Variants in SMURF2 observed in about 807,000 individuals in gnomAD.
SMURF2 encodes the protein E3 ubiquitin-protein ligase SMURF2.
In SMURF2, 48 loss-of-function variants were observed where a neutral mutation model predicts 109.6. The ratio of observed to expected loss-of-function variants is 0.44; its 90% CI spans 0.35 to 0.56. The LOEUF (loss-of-function observed/expected upper bound fraction) is 0.56, where lower values mean the gene tolerates loss of function less well. Ranked by LOEUF, SMURF2 falls within the 20% of genes least tolerant of loss-of-function variation. SMURF2 has a pLI of 0.01. For synonymous variants in SMURF2, 288 were observed against 317.1 expected, an observed-to-expected ratio of 0.91 and a Z score of 0.97; for missense variants, 575 against 909.0, an observed-to-expected ratio of 0.63 and a Z score of 4.72.
intron 12 of SMURF2, among the ~76,000 whole-genome samples, chr17:64,559,962 C>G (rs1969188521): frequency 6.6e-6 from 1 of 151,510 alleles, no homozygotes; most frequent in Admixed American, 6.6e-5. Context: ...TCATGTTGGC[C>G]AGGATGGTCT....
chr17:64,622,000 T>C (rs750034693), intron 1 of SMURF2, among the ~76,000 whole-genome samples: 1 of 141,624 alleles, frequency 7.1e-6, no homozygotes, highest in Non-Finnish European at 1.5e-5. Context: ...AAAAGCACTG[T>C]AGTGAGCCAT....
intron 9 of SMURF2, among the ~76,000 whole-genome samples, chr17:64,575,080 G>C (rs1555685923): frequency 6.7e-6 from 1 of 148,512 alleles, no homozygotes; most frequent in African/African-American, 2.5e-5. Context: ...TGAAAAGTTA[G>C]GCCCTTGGAT....
intron 1 of SMURF2, among the ~76,000 whole-genome samples, chr17:64,659,537 T>TA (rs1183423380): frequency 3.0e-5 from 3 of 99,250 alleles, no homozygotes; most frequent in African/African-American, 7.1e-5. Flanking sequence ...TTTTTTTTTT[T>TA]AAACAAAATG....
chr17:64,583,968 C>A (rs1467308751), intron 6 of SMURF2, among the ~76,000 whole-genome samples: 2 of 151,974 alleles, frequency 1.3e-5, no homozygotes, highest in Admixed American at 6.6e-5. Flanking sequence ...CGGCCAAAAG[C>A]TTTTCAAAGC....
chr17:64,652,075 T>C (rs1303470096), intron 1 of SMURF2, among the ~76,000 whole-genome samples: 1 of 152,120 alleles, frequency 6.6e-6, no homozygotes. Context: ...AAACAGACAC[T>C]TACGTTAAGT....
chr17:64,654,170 C>T (rs370699759), intron 1 of SMURF2, among the ~76,000 whole-genome samples: 9 of 152,126 alleles, frequency 5.9e-5, no homozygotes, highest in African/African-American at 2.4e-5. Flanking sequence ...CAATCATCCA[C>T]GTGGTAATTC....
chr17:64,558,674 T>C (rs992497685), intron 12 of SMURF2, among the ~76,000 whole-genome samples: 1 of 152,210 alleles, frequency 6.6e-6, no homozygotes, highest in Non-Finnish European at 1.5e-5. Context: ...GTATGTTCCA[T>C]ACCACTTCTT....
intron 1 of SMURF2, among the ~76,000 whole-genome samples, chr17:64,626,988 G>A (rs1211002883): frequency 1.3e-5 from 2 of 150,730 alleles, no homozygotes; most frequent in African/African-American, 4.9e-5. Flanking sequence ...AAATATGATA[G>A]GCTCCAGTCT....
Position 64,637,923 on chromosome 17 carries a change from C to CAAAAAAAAAAAAAA in SMURF2, c.52+23892_52+23905dup, listed in dbSNP as rs59701513. On this transcript the variant is annotated intron_variant, in intron 1 of 18. Coordinates refer to ENST00000262435, the MANE Select transcript of SMURF2 (RefSeq NM_022739.4). ...CATTGAATGGTTTTGGCGCCCTAGT[C>CAAAAAAAAAAAAAA]AAAAAAAAAAAAAAAAAAAATCAAC... Among the ~76,000 whole-genome samples the CAAAAAAAAAAAAAA allele has an allele frequency of 3.9e-4, 28 of 72,552 alleles. 1 individual carries two copies. Among genetic ancestry groups the CAAAAAAAAAAAAAA allele is most frequent in the South Asian group, 1.5e-3 (3 of 2,062 alleles). 47.6% of individuals were successfully genotyped at this position (72,552 alleles called of 152,430 possible). A position where few individuals can be genotyped will look rare whatever the true frequency, so the allele number is the denominator to read the frequency against.
At chr17:64,583,430 A>T in intron 7 of SMURF2, 31 bp downstream of exon 7, 1 of 1,563,130 alleles carries the variant, frequency 6.4e-7, no homozygotes, top group Non-Finnish European at 8.8e-7. Flanking sequence ...TGGCTGGCAT[A>T]GATCATGAGA....
At chr17:64,619,557 G>T (rs547647400) in intron 1 of SMURF2, among the ~76,000 whole-genome samples, 60 of 146,240 alleles carry the variant, frequency 4.1e-4, no homozygotes, top group Middle Eastern at 3.6e-3. Context: ...AAATACCATA[G>T]ATTAGGTGGC....
intron 1 of SMURF2, among the ~76,000 whole-genome samples, chr17:64,648,088 A>AAAAAC (rs1568210028): frequency 6.9e-6 from 1 of 145,618 alleles, no homozygotes. Flanking sequence ...AAAAAAAAAA[A>AAAAAC]AAAACAGGAT....
At chr17:64,569,763 C>T (rs1969373010) in intron 10 of SMURF2, among the ~76,000 whole-genome samples, 1 of 152,190 alleles carries the variant, frequency 6.6e-6, no homozygotes, top group Non-Finnish European at 1.5e-5. Context: ...GGCATAGCCA[C>T]TTTAGAAAAG....
intron 1 of SMURF2, among the ~76,000 whole-genome samples, chr17:64,655,585 C>G (rs1490455348): frequency 1.3e-5 from 2 of 151,666 alleles, no homozygotes; most frequent in Non-Finnish European, 2.9e-5. Context: ...TTAAACTTAA[C>G]AAGTTTAATA....
chr17:64,610,322 G>T (rs1281580334), intron 1 of SMURF2, among the ~76,000 whole-genome samples: 1 of 152,102 alleles, frequency 6.6e-6, no homozygotes, highest in African/African-American at 2.4e-5. Flanking sequence ...GTTTATTGTG[G>T]CACTATCCAC....
intron 1 of SMURF2, among the ~76,000 whole-genome samples, chr17:64,645,811 C>T (rs1287750775): frequency 6.6e-6 from 1 of 152,126 alleles, no homozygotes; most frequent in Non-Finnish European, 1.5e-5. Context: ...GGTTTTCTTA[C>T]TTTCAATTAC....
chr17:64,565,477 C>A (rs568755145), intron 10 of SMURF2, among the ~76,000 whole-genome samples: 1 of 152,178 alleles, frequency 6.6e-6, no homozygotes, highest in Non-Finnish European at 1.5e-5. Context: ...AAATTGTAAT[C>A]CCCTTGCCCA....
intron 9 of SMURF2, among the ~76,000 whole-genome samples, chr17:64,575,213 G>A (rs1434312711): frequency 2.0e-5 from 3 of 151,542 alleles, no homozygotes; most frequent in African/African-American, 7.3e-5. Flanking sequence ...GAGTGCCACG[G>A]TGCGATCTCG....
At chr17:64,623,347 AG>A (rs1221499784) in intron 1 of SMURF2, among the ~76,000 whole-genome samples, 7 of 152,188 alleles carry the variant, frequency 4.6e-5, no homozygotes, top group African/African-American at 1.7e-4. Flanking sequence ...AAAAGTGCAC[AG>A]TAGGCATTCA....
Sources: gnomAD v4.1 joint callset for allele counts (sites outside exome capture counted in the v4.1 genomes callset) on GRCh38, gnomAD v4.1.1 for gene constraint, MANE v1.5 for transcripts, NCBI Gene and HGNC (gene_info 2026-07-23, HGNC 2026-07-21) for gene names.